Variants in ANTXR2 observed in about 807,000 individuals in gnomAD.
ANTXR2 encodes ANTXR cell adhesion molecule 2.
Under a neutral mutation model 73.7 loss-of-function variants are expected in ANTXR2, and 44 were observed. The observed-to-expected ratio is 0.60, with a 90% CI of 0.47 to 0.77. The LOEUF is 0.77. Among genes scored for constraint, ANTXR2 ranks in the 30% least tolerant of loss-of-function variants. The probability of loss-of-function intolerance (pLI) is 0.00; values close to 1 mark genes in which losing one functional copy is unlikely to be tolerated. For missense variants in ANTXR2, 604 were observed against 592.5 expected, an observed-to-expected ratio of 1.02 and a Z score of -0.20; for synonymous variants, 217 against 205.9, an observed-to-expected ratio of 1.05 and a Z score of -0.46.
intron 16 of ANTXR2, among the ~76,000 whole-genome samples, chr4:79,948,561 A>G (rs1728594112): frequency 6.6e-6 from 1 of 152,210 alleles, no homozygotes. Flanking sequence ...AAGATTATAC[A>G]AATCTAAAAA....
intron 16 of ANTXR2, among the ~76,000 whole-genome samples, chr4:79,965,386 T>C (rs2110000520): frequency 6.6e-6 from 1 of 152,280 alleles, no homozygotes; most frequent in Admixed American, 6.5e-5. Flanking sequence ...TTGTTTTGCC[T>C]TTTTTTAGAG....
chr4:79,974,263 T>C (rs1197246386), intron 16 of ANTXR2, among the ~76,000 whole-genome samples: 1 of 152,076 alleles, frequency 6.6e-6, no homozygotes, highest in African/African-American at 2.4e-5. Flanking sequence ...CTAAAAAGAA[T>C]AGGTATGACG....
chr4:80,046,389 G>T (rs565139191), intron 7 of ANTXR2, among the ~76,000 whole-genome samples: 11 of 151,518 alleles, frequency 7.3e-5, no homozygotes, highest in Non-Finnish European at 5.9e-5. Context: ...GTTGTCTTTG[G>T]TCACCACAAA....
intron 16 of ANTXR2, among the ~76,000 whole-genome samples, chr4:79,960,538 A>G (rs1193981096): frequency 6.6e-6 from 1 of 152,092 alleles, no homozygotes; most frequent in Non-Finnish European, 1.5e-5. Flanking sequence ...AAAAACTTGT[A>G]ATTATTTGAA....
At chr4:79,952,439 G>A (rs1728742129) in intron 16 of ANTXR2, among the ~76,000 whole-genome samples, 1 of 151,666 alleles carries the variant, frequency 6.6e-6, no homozygotes, top group South Asian at 2.1e-4. Flanking sequence ...TCGAGAACCT[G>A]TTGATAACTT....
chr4:79,979,812 A>G (rs377117656), intron 14 of ANTXR2, among the ~76,000 whole-genome samples: 1 of 151,540 alleles, frequency 6.6e-6, no homozygotes, highest in East Asian at 2.0e-4. Context: ...CTCTAAAATC[A>G]GGACACATAT....
chr4:79,937,046 A>G (rs1728292106), intron 16 of ANTXR2, among the ~76,000 whole-genome samples: 1 of 127,420 alleles, frequency 7.8e-6, no homozygotes, highest in African/African-American at 3.4e-5. Context: ...AGAAAAATGT[A>G]TTAATAATTT....
rs185798343 is a variant in ANTXR2, at chr4:80,012,823, T to C, written c.946-4207A>G. Among the ~76,000 whole-genome samples, 7 of 152,282 alleles carry C rather than the reference T, an allele frequency of 4.6e-5. No individual in the cohort carries two copies. In the East Asian group the frequency reaches 1.2e-3, roughly 25 times the overall value. On this transcript the variant is annotated intron_variant, in intron 11 of 16. Coordinates refer to ENST00000403729, the MANE Select transcript of ANTXR2 (RefSeq NM_058172.6). Reference sequence around the variant, plus strand: ...ACCATGCACCTCTTTGAGGGCTGGGTCCACATAAGAAGAAGTACCTTCTAA... The same window carrying C: ...ACCATGCACCTCTTTGAGGGCTGGGCCCACATAAGAAGAAGTACCTTCTAA...
chr4:79,944,252 A>C (rs1238614107), intron 16 of ANTXR2, among the ~76,000 whole-genome samples: 1 of 77,432 alleles, frequency 1.3e-5, no homozygotes, highest in Non-Finnish European at 2.6e-5. Context: ...AGCTCTCTAT[A>C]ACTAATTCAG....
intron 16 of ANTXR2, among the ~76,000 whole-genome samples, chr4:79,923,994 A>G (rs1045783697): frequency 7.2e-5 from 11 of 152,074 alleles, no homozygotes; most frequent in Non-Finnish European, 4.4e-5. Context: ...ACACACATAT[A>G]TTGTTTTAAT....
Position 80,008,522 on chromosome 4 carries a change from A to G in ANTXR2, c.1040T>C (p.Val347Ala). The G allele has an allele frequency of 6.2e-7, 1 of 1,604,662 alleles. No homozygotes were observed. Among genetic ancestry groups the G allele is most frequent in the Non-Finnish European group, 8.5e-7 (1 of 1,174,296 alleles). The change falls in exon 12 of 17, where the codon GTG becomes GCG. Residue 347 changes from valine (V) to alanine (A), a missense_variant and splice_region_variant. Physicochemically the swap from Val to Ala is moderately conservative, Grantham distance 64 (BLOSUM62 0). Transcript: ENST00000403729. Reference protein sequence around the residue: ...MWWFWPLCCKVVIKDPPPPPA... With the variant: ...MWWFWPLCCKAVIKDPPPPPA... ...GAGTTGTAAATCCTTCTTACTCACC[A>G]CTTTGCAGCAAAGGGGCCAAAACCA...
chr4:79,926,893 G>GTATATACACACGTGTGCATATATGTGTA (rs1727805942), intron 16 of ANTXR2, among the ~76,000 whole-genome samples: 1 of 121,742 alleles, frequency 8.2e-6, no homozygotes, highest in Non-Finnish European at 1.7e-5. Context: ...ATATATGTGT[G>GTATATACACACGTGTGCATATATGTGTA]TATATACACA....
At position 80,072,498 on chromosome 4, in the gene ANTXR2, C is replaced by A; in HGVS notation, c.63G>T (p.Leu21=). 6.2e-7 allele frequency: 1 copy of A among 1,608,056 alleles called. No homozygotes were observed. Residue 21 remains leucine (L), a synonymous_variant, in exon 1 of 17, where the codon CTG becomes CTT. Coordinates refer to ENST00000403729, the MANE Select transcript of ANTXR2 (RefSeq NM_058172.6). ...PGSWLFPGLW[L]LVLSGPGGLL... is the part of the protein sequence containing the mutation. ...GCCCCCCGGGACCGCTGAGCACCAA[C>A]AGCCACAGCCCGGGGAACAGCCAGC...
chr4:80,054,983 A>C (rs546405074), intron 6 of ANTXR2, among the ~76,000 whole-genome samples, 167 bp downstream of exon 6: 1 of 151,974 alleles, frequency 6.6e-6, no homozygotes, highest in South Asian at 2.1e-4. Context: ...AAAACCTATT[A>C]AAATTCTTAC....
At chr4:80,024,717 T>C in intron 10 of ANTXR2, 1 of 452,840 alleles carries the variant, frequency 2.2e-6, no homozygotes, top group Non-Finnish European at 4.4e-6. Context: ...AGTCAGATCA[T>C]GCCACTTCAC....
At chr4:80,065,426 T>C (rs1734450877) in intron 3 of ANTXR2, among the ~76,000 whole-genome samples, 2 of 152,018 alleles carry the variant, frequency 1.3e-5, no homozygotes. Context: ...TTACCCCAGG[T>C]TCCACAGTAC....
rs1309783552 is a variant in ANTXR2, at chr4:80,072,684, C to G, written c.-124G>C. On this transcript the variant is annotated 5_prime_UTR_variant, in exon 1 of 17. Transcript: ENST00000403729. ...GGGGGGCGGCGAGCAGCTGAGACGC[C>G]GGCGCCTGCGGCAGCGGGACCCACC... is the stretch of plus-strand genomic sequence containing the variant. 3.7e-6 allele frequency: 5 copies of G among 1,335,334 alleles called. No individual in the cohort carries two copies. Among genetic ancestry groups the G allele is most frequent in the Non-Finnish European group, 4.8e-6 (5 of 1,047,106 alleles). The allele number at this position is 1,335,334 out of a possible 1,614,324, so 82.7% of individuals were successfully genotyped here.
intron 10 of ANTXR2, among the ~76,000 whole-genome samples, chr4:80,026,058 T>C (rs891317779): frequency 1.3e-5 from 2 of 152,140 alleles, no homozygotes; most frequent in African/African-American, 2.4e-5. Context: ...TCAATCAAAT[T>C]GAGTGCCTTT....
chr4:80,059,875 A>G (rs983863304), intron 3 of ANTXR2, among the ~76,000 whole-genome samples: 5 of 152,110 alleles, frequency 3.3e-5, no homozygotes, highest in Admixed American at 6.6e-5. Context: ...AGGCATTATA[A>G]CTAAAATAAA....
Sources: allele counts gnomAD v4.1 joint callset (sites outside exome capture counted in the v4.1 genomes callset), GRCh38; gene constraint gnomAD v4.1.1; transcripts MANE v1.5; gene names NCBI Gene and HGNC (gene_info 2026-07-23, HGNC 2026-07-21).